Variants in ORC5 observed in about 807,000 individuals in gnomAD.
ORC5 encodes the protein origin recognition complex subunit 5.
In ORC5, 39 loss-of-function variants were observed where a neutral mutation model predicts 58.8. The ratio of observed to expected loss-of-function variants is 0.66; its 90% CI spans 0.51 to 0.87. The LOEUF (loss-of-function observed/expected upper bound fraction) is 0.87. ORC5 is among the 40% of genes least tolerant of loss of function. ORC5 has a pLI of 0.00. For missense variants in ORC5, 493 were observed against 506.3 expected (o/e 0.97, Z 0.25); for synonymous variants, 218 against 177.6 (o/e 1.23, Z -1.81).
chr7:104,176,758 C>G (rs1799330229), intron 8 of ORC5, among the ~76,000 whole-genome samples: 1 of 152,050 alleles, frequency 6.6e-6, no homozygotes, highest in African/African-American at 2.4e-5. Flanking sequence ...AATAAGCAAG[C>G]TGGTTTTAAA....
At chr7:104,131,050 A>C (rs1223037420) in intron 13 of ORC5, among the ~76,000 whole-genome samples, 10 of 152,224 alleles carry the variant, frequency 6.6e-5, no homozygotes. Context: ...GGAGAAGATC[A>C]CAAGTCTCAC....
intron 12 of ORC5, among the ~76,000 whole-genome samples, chr7:104,146,018 TCA>T (rs1263651288): frequency 2.0e-5 from 3 of 152,150 alleles, no homozygotes; most frequent in Non-Finnish European, 4.4e-5. Flanking sequence ...CAGATGACCT[TCA>T]AAGAAGAGCA....
At chr7:104,175,970 G>GA (rs1359147233) in intron 8 of ORC5, among the ~76,000 whole-genome samples, 7 of 152,162 alleles carry the variant, frequency 4.6e-5, no homozygotes, top group African/African-American at 1.7e-4. Flanking sequence ...AGGATAAAAA[G>GA]AAGTGTTTTT....
intron 11 of ORC5, among the ~76,000 whole-genome samples, chr7:104,163,785 C>A (rs1342882733): frequency 1.3e-5 from 2 of 152,192 alleles, no homozygotes; most frequent in Admixed American, 6.5e-5. Flanking sequence ...GGCACCCCGC[C>A]CAGCCGGGAT....
At chr7:104,186,132 A>G (rs1407219524) in intron 6 of ORC5, among the ~76,000 whole-genome samples, 2 of 152,206 alleles carry the variant, frequency 1.3e-5, no homozygotes, top group Non-Finnish European at 2.9e-5. Context: ...CAACTGGTAC[A>G]CAATTTGGCT....
chr7:104,161,065 A>G lies in ORC5; in HGVS notation c.1149+7T>C, dbSNP rs776091915. 1.4e-6 allele frequency: 2 copies of G among 1,390,672 alleles called. No homozygotes were observed. Among genetic ancestry groups the G allele is most frequent in the South Asian group, 2.3e-5 (2 of 86,176 alleles). The allele number at this position is 1,390,672 out of a possible 1,614,324, so 86.1% of individuals were successfully genotyped here. On this transcript the variant is annotated splice_region_variant and intron_variant, in intron 12 of 13. Coordinates refer to ENST00000297431, the MANE Select transcript of ORC5 (RefSeq NM_002553.4). ...GATGACAGATAATAATCTATGATTAAGCTTACCTGGGAAAAAATATTTGCT... is the reference window on the plus strand; with the variant it reads ...GATGACAGATAATAATCTATGATTAGGCTTACCTGGGAAAAAATATTTGCT...
At position 104,136,711 on chromosome 7, in the gene ORC5, A is replaced by T; in HGVS notation, c.1262+70T>A. On this transcript the variant is annotated intron_variant, in intron 13 of 13. Transcript: ENST00000297431. The surrounding 1 kb of genome is among the most constrained non-coding windows in gnomAD (Gnocchi z 4.2). ...TTTTTCATGTTTAAATGTCATGACT[A>T]ATGACATCACATTTGGAAAACACTA... 1.0e-6 allele frequency: 1 copy of T among 953,530 alleles called. No homozygotes were observed. Among genetic ancestry groups the T allele is most frequent in the Non-Finnish European group, 1.7e-6 (1 of 595,982 alleles). The allele number at this position is 953,530 out of a possible 1,614,324, so 59.1% of individuals were successfully genotyped here. A position where few individuals can be genotyped will look rare whatever the true frequency, so the allele number is the denominator to read the frequency against.
At chr7:104,195,117 T>C (rs2116051808) in intron 5 of ORC5, 26 bp downstream of exon 5, 6 of 1,208,526 alleles carry the variant, frequency 5.0e-6, no homozygotes, top group Non-Finnish European at 7.0e-6. Flanking sequence ...GCATATCATT[T>C]GCCAAAACAA....
intron 11 of ORC5, among the ~76,000 whole-genome samples, chr7:104,163,318 T>G (rs1275153952): frequency 6.6e-6 from 1 of 152,194 alleles, no homozygotes; most frequent in Non-Finnish European, 1.5e-5. Flanking sequence ...GTAAACTACT[T>G]GCAAGCCTAG....
At chr7:104,186,058 CTTAATT>C (rs1799536648) in intron 6 of ORC5, among the ~76,000 whole-genome samples, 1 of 152,032 alleles carries the variant, frequency 6.6e-6, no homozygotes, top group Non-Finnish European at 1.5e-5. Context: ...ACTTTCTTAC[CTTAATT>C]TTAGATTTTC....
chr7:104,189,237 C>T (rs1799618241), intron 5 of ORC5, among the ~76,000 whole-genome samples: 1 of 152,014 alleles, frequency 6.6e-6, no homozygotes, highest in African/African-American at 2.4e-5. Context: ...CACAGTTCTG[C>T]ATGGCTGGGG....
At chr7:104,173,907 G>C (rs564643312) in intron 8 of ORC5, among the ~76,000 whole-genome samples, 14 of 147,486 alleles carry the variant, frequency 9.5e-5, no homozygotes, top group South Asian at 2.2e-4. Flanking sequence ...TGCAGTGGCG[G>C]GATCTCGGCT....
intron 12 of ORC5, among the ~76,000 whole-genome samples, chr7:104,155,141 C>T (rs565459428): frequency 2.6e-5 from 4 of 151,772 alleles, no homozygotes; most frequent in South Asian, 4.1e-4. Context: ...CCGTAAGAAA[C>T]GATTGTTGAT....
In ORC5 at chr7:104,136,296, A is replaced by G. The variant is rs1267187090; in HGVS notation, c.1262+485T>C. 2.0e-5 allele frequency among the ~76,000 whole-genome samples: 3 copies of G among 151,898 alleles called. No homozygotes were observed. In the East Asian group the frequency reaches 5.8e-4, roughly 29 times the overall value. On this transcript the variant is annotated intron_variant, in intron 13 of 13. Coordinates refer to ENST00000297431, the MANE Select transcript of ORC5 (RefSeq NM_002553.4). The surrounding 1 kb of genome is among the most constrained non-coding windows in gnomAD (Gnocchi z 4.2). ...AGTATGTATCCATTTGTCTCTCTGA[A>G]AACTCTAAACACAGCACAGCACACT...
At chr7:104,152,424 A>G (rs976897050) in intron 12 of ORC5, among the ~76,000 whole-genome samples, 1 of 152,186 alleles carries the variant, frequency 6.6e-6, no homozygotes, top group African/African-American at 2.4e-5. Flanking sequence ...GATTACAGGC[A>G]TGACCCATCA....
Position 104,200,825 on chromosome 7 carries a change from T to C in ORC5, c.299A>G (p.Asn100Ser), listed in dbSNP as rs765889179. 1 of 1,613,190 alleles carries C rather than the reference T, an allele frequency of 6.2e-7. No homozygotes were observed. The highest frequency in any genetic ancestry group is 1.3e-5 in the African/African-American group (1 of 75,058). The change falls in exon 3 of 14, where the codon AAT (asparagine) becomes AGT (serine). Residue 100 changes from asparagine (N) to serine (S), a missense_variant. By Grantham distance (46) the Asn-to-Ser change is conservative. Transcript: ENST00000297431. Reference sequence around the variant, plus strand: ...TTGTTTAAACAAGCGAACAAAGTCATTAAATGTTTCACAGGTTATTTCAGT... The same window carrying C: ...TTGTTTAAACAAGCGAACAAAGTCACTAAATGTTTCACAGGTTATTTCAGT... ...CSTEITCETF[N>S]DFVRLFKQVT... is the part of the protein sequence containing the mutation.
At chr7:104,205,896 C>T (rs1179947935) in intron 1 of ORC5, among the ~76,000 whole-genome samples, 1 of 152,158 alleles carries the variant, frequency 6.6e-6, no homozygotes, top group African/African-American at 2.4e-5. Context: ...GTGGTCCCAG[C>T]TACTCGGAGG....
chr7:104,185,469 G>A (rs1799524805), intron 6 of ORC5, among the ~76,000 whole-genome samples: 1 of 152,084 alleles, frequency 6.6e-6, no homozygotes, highest in East Asian at 1.9e-4. Context: ...ATTAACTGTT[G>A]TTTTCTAAGG....
intron 1 of ORC5, among the ~76,000 whole-genome samples, chr7:104,205,086 C>CTTTTTTTTTTTTTTTTTTTT (rs10672012): frequency 3.0e-5 from 3 of 99,426 alleles, no homozygotes; most frequent in African/African-American, 1.1e-4. Context: ...TAATAATACT[C>CTTTTTTTTTTTTTTTTTTTT]TTTTTTTTTT....
Sources: allele counts gnomAD v4.1 joint callset (sites outside exome capture counted in the v4.1 genomes callset), GRCh38; gene constraint gnomAD v4.1.1; non-coding constraint Gnocchi (gnomAD v3.1); transcripts MANE v1.5; gene names NCBI Gene and HGNC (gene_info 2026-07-23, HGNC 2026-07-21).